CCDC149: variants seen among roughly 807,000 people sequenced by gnomAD.
CCDC149 encodes the protein coiled-coil domain-containing protein 149.
A neutral mutation model predicts 59.9 loss-of-function variants in CCDC149; 45 were observed. That is an observed-to-expected ratio of 0.75 (90% CI 0.59 to 0.96). The LOEUF is 0.96. Among genes scored for constraint, CCDC149 ranks in the 40% least tolerant of loss-of-function variants. The pLI is 0.00. For synonymous variants in CCDC149, 245 were observed against 260.6 expected, an observed-to-expected ratio of 0.94 and a Z score of 0.58; for missense variants, 584 against 664.7, an observed-to-expected ratio of 0.88 and a Z score of 1.33.
In CCDC149 at chr4:24,838,204, G is replaced by T. The variant is rs749992078; in HGVS notation, c.441C>A (p.Ala147=). The T allele has an allele frequency of 6.8e-6, 11 of 1,614,138 alleles. No homozygotes were observed. The highest frequency in any genetic ancestry group is 9.3e-6 in the Non-Finnish European group (11 of 1,180,006). The change falls in exon 5 of 13, where the codon GCC becomes GCA. Residue 147 remains alanine (A), a synonymous_variant. Transcript: ENST00000635206. The stretch of plus-strand genomic sequence containing the variant: ...GCTGCACCAAGTCTTCACGCTCATG[G>T]GCTGCAAAGTGTCGCACGCCGATTG...
Position 24,817,334 on chromosome 4 carries a change from G to A in CCDC149, c.1192+2525C>T, listed in dbSNP as rs543273008. On this transcript the variant is annotated intron_variant, in intron 12 of 12. Transcript: ENST00000635206. ...AGGCCAGCCTTACAAGCAGCCACAT[G>A]AGGCTGGCTGCAAAGACCCAGCCTT... 1.4e-4 allele frequency among the ~76,000 whole-genome samples: 22 copies of A among 152,276 alleles called. 1 individual carries two copies. In the South Asian group the frequency reaches 4.6e-3, roughly 32 times the overall value.
intron 8 of CCDC149, among the ~76,000 whole-genome samples, chr4:24,834,399 G>T (rs1340194753): frequency 1.3e-5 from 2 of 152,242 alleles, no homozygotes; most frequent in Non-Finnish European, 2.9e-5. Context: ...TCGACAAGAA[G>T]GAGGAAAAAA....
chr4:24,870,048 T>C (rs955513769), intron 3 of CCDC149, among the ~76,000 whole-genome samples: 1 of 152,184 alleles, frequency 6.6e-6, no homozygotes. Flanking sequence ...AGAAGGAAGC[T>C]GATACTAAAT....
At chr4:24,976,877 T>C (rs1440610988) in intron 1 of CCDC149, among the ~76,000 whole-genome samples, 1 of 152,150 alleles carries the variant, frequency 6.6e-6, no homozygotes, top group African/African-American at 2.4e-5. Flanking sequence ...GTGGAGAACA[T>C]CTGGCCGCTA....
At chr4:24,879,775 C>T (rs754193827) in intron 1 of CCDC149, among the ~76,000 whole-genome samples, 1 of 152,160 alleles carries the variant, frequency 6.6e-6, no homozygotes, top group Non-Finnish European at 1.5e-5. Context: ...TGGGCTCCAG[C>T]CTAGGCCCAC....
At chr4:24,946,486 G>GT (rs990151034) in intron 1 of CCDC149, among the ~76,000 whole-genome samples, 4 of 152,030 alleles carry the variant, frequency 2.6e-5, no homozygotes, top group Non-Finnish European at 4.4e-5. Flanking sequence ...AAATATCTTG[G>GT]TTTTTTTCCT....
At chr4:24,907,814 G>C (rs1446080841) in intron 1 of CCDC149, among the ~76,000 whole-genome samples, 1 of 152,118 alleles carries the variant, frequency 6.6e-6, no homozygotes, top group African/African-American at 2.4e-5. Flanking sequence ...TTAAGGTGTT[G>C]GCAGGACTGT....
intron 4 of CCDC149, among the ~76,000 whole-genome samples, chr4:24,838,663 G>A (rs1307937726): frequency 6.6e-6 from 1 of 151,964 alleles, no homozygotes. Context: ...CCTTAAAAGT[G>A]TCCCTACCCA....
intron 4 of CCDC149, among the ~76,000 whole-genome samples, chr4:24,845,511 A>G (rs1717231059): frequency 6.6e-6 from 1 of 152,240 alleles, no homozygotes; most frequent in African/African-American, 2.4e-5. Context: ...CTCTAAAAAG[A>G]ATAAAAAGTG....
chr4:24,892,532 C>A (rs907899614), intron 1 of CCDC149, among the ~76,000 whole-genome samples: 1 of 152,192 alleles, frequency 6.6e-6, no homozygotes, highest in Admixed American at 6.5e-5. Flanking sequence ...GAAAGACCTA[C>A]GAAGCCTGAT....
chr4:24,842,135 C>T (rs1230513743), intron 4 of CCDC149, among the ~76,000 whole-genome samples: 2 of 152,208 alleles, frequency 1.3e-5, no homozygotes, highest in African/African-American at 4.8e-5. Context: ...AAGTTTCTGC[C>T]TCTTACATGC....
chr4:24,927,280 C>G (rs1722456617), intron 1 of CCDC149, among the ~76,000 whole-genome samples: 1 of 152,190 alleles, frequency 6.6e-6, no homozygotes, highest in African/African-American at 2.4e-5. Context: ...TTCACTATAC[C>G]ATGCTGATGA....
Position 24,912,964 on chromosome 4 carries a change from C to G in CCDC149, c.-85G>C, listed in dbSNP as rs1721987586. On this transcript the variant is annotated 5_prime_UTR_variant, in exon 1 of 13. Coordinates refer to ENST00000635206, the MANE Select transcript of CCDC149 (RefSeq NM_001330643.2). ...CCGCCGCCCGGGCCCCGCGCGGCCC[C>G]GAGAGGGCCCGGCGCCTCCGAGCCG... is the stretch of plus-strand genomic sequence containing the variant. 7.5e-6 allele frequency: 5 copies of G among 664,692 alleles called. No homozygotes were observed. The highest frequency in any genetic ancestry group is 2.0e-5 in the African/African-American group (1 of 50,686). 41.2% of individuals were successfully genotyped at this position (664,692 alleles called of 1,614,324 possible). A position where few individuals can be genotyped will look rare whatever the true frequency, so the allele number is the denominator to read the frequency against.
chr4:24,811,334 C>G (rs541123447), intron 12 of CCDC149, among the ~76,000 whole-genome samples: 2 of 152,218 alleles, frequency 1.3e-5, no homozygotes, highest in Admixed American at 6.5e-5. Context: ...TTCATATCTT[C>G]GATCCTTCAG....
chr4:24,947,193 T>G (rs1457912452), intron 1 of CCDC149, among the ~76,000 whole-genome samples: 2 of 152,186 alleles, frequency 1.3e-5, no homozygotes, highest in Non-Finnish European at 2.9e-5. Flanking sequence ...AAATCTCATC[T>G]CAAATTTTTG....
At chr4:24,932,112 T>C (rs1292319623) in intron 1 of CCDC149, among the ~76,000 whole-genome samples, 2 of 151,958 alleles carry the variant, frequency 1.3e-5, no homozygotes, top group African/African-American at 4.8e-5. Flanking sequence ...TAAACTATTA[T>C]ATTATATTGT....
intron 1 of CCDC149, among the ~76,000 whole-genome samples, chr4:24,936,783 G>A (rs532695256): frequency 2.0e-5 from 3 of 152,196 alleles, no homozygotes; most frequent in African/African-American, 7.2e-5. Flanking sequence ...GAGTGGGAAA[G>A]GTTGGCAGCT....
intron 12 of CCDC149, among the ~76,000 whole-genome samples, 161 bp downstream of exon 12, chr4:24,819,698 C>G (rs949841124): frequency 3.9e-5 from 6 of 152,310 alleles, no homozygotes; most frequent in African/African-American, 1.2e-4. Flanking sequence ...AACCTCCCAA[C>G]AAGATGAACC....
chr4:24,881,881 G>A (rs1719860153), intron 1 of CCDC149, among the ~76,000 whole-genome samples: 1 of 152,206 alleles, frequency 6.6e-6, no homozygotes, highest in African/African-American at 2.4e-5. Context: ...TTAAATGAAA[G>A]TGTTTGCATA....
Sources: gnomAD v4.1 joint callset for allele counts (sites outside exome capture counted in the v4.1 genomes callset) on GRCh38, gnomAD v4.1.1 for gene constraint, MANE v1.5 for transcripts, NCBI Gene and HGNC (gene_info 2026-07-23, HGNC 2026-07-21) for gene names.